The following TYW1 variants were observed in gnomAD, a reference collection of about 807,000 sequenced individuals.
The protein encoded by TYW1 is S-adenosyl-L-methionine-dependent tRNA 4-demethylwyosine synthase TYW1.
In TYW1, 46 loss-of-function variants were observed where a neutral mutation model predicts 96.2. That is an observed-to-expected ratio of 0.48 (90% CI 0.38 to 0.61). The LOEUF is 0.61. Ranked by LOEUF, TYW1 falls within the 20% of genes least tolerant of loss-of-function variation. The probability of loss-of-function intolerance (pLI) is 0.00; values close to 1 mark genes in which losing one functional copy is unlikely to be tolerated. For missense variants in TYW1, 684 were observed against 909.6 expected, an observed-to-expected ratio of 0.75 and a Z score of 3.19; for synonymous variants, 274 against 323.0, an observed-to-expected ratio of 0.85 and a Z score of 1.63.
At chr7:67,103,260 T>C (rs10236844) in intron 12 of TYW1, among the ~76,000 whole-genome samples, 44,705 of 152,038 alleles carry the variant, frequency 0.29, 7,310 homozygotes, top group African/African-American at 0.44. Flanking sequence ...AATCTTTCAG[T>C]TTACCTTTTT....
chr7:67,098,955 A>AT (rs35912481), intron 12 of TYW1, among the ~76,000 whole-genome samples: 188 of 150,524 alleles, frequency 1.2e-3, no homozygotes, highest in African/African-American at 4.1e-3. Flanking sequence ...AAGAGAATGA[A>AT]TTTTTTTTTT....
intron 8 of TYW1, among the ~76,000 whole-genome samples, chr7:67,054,168 A>G (rs1040160928): frequency 1.1e-4 from 17 of 152,232 alleles, no homozygotes; most frequent in Admixed American, 5.2e-4. Context: ...TTGTTATTCC[A>G]TCTTGGCTAG....
At chr7:67,139,725 A>G (rs1798381118) in intron 13 of TYW1, among the ~76,000 whole-genome samples, 1 of 126,862 alleles carries the variant, frequency 7.9e-6, no homozygotes, top group Non-Finnish European at 1.6e-5. Context: ...ACCTGTGTAT[A>G]CAGGTGTGTG....
At chr7:67,126,085 T>C (rs1156928100) in intron 13 of TYW1, among the ~76,000 whole-genome samples, 2 of 151,478 alleles carry the variant, frequency 1.3e-5, no homozygotes, top group South Asian at 2.1e-4. Context: ...TACCAAAGAG[T>C]GTAGTTGCTG....
Position 67,117,553 on chromosome 7 carries a change from G to A in TYW1, c.1633G>A (p.Asp545Asn). The A allele has an allele frequency of 1.2e-6, 2 of 1,614,008 alleles. No individual in the cohort carries two copies. Among genetic ancestry groups the A allele is most frequent in the Non-Finnish European group, 1.7e-6 (2 of 1,179,982 alleles). ...TACCAAAGACAGCCTGAAGAAAATCGACCGCCCACTCTTCAAGGATTTCTG... is the reference window on the plus strand; with the variant it reads ...TACCAAAGACAGCCTGAAGAAAATCAACCGCCCACTCTTCAAGGATTTCTG... ...ASTKDSLKKIDRPLFKDFWQR... is the reference protein window; with the variant it reads ...ASTKDSLKKINRPLFKDFWQR... The change falls in exon 13 of 16, where the codon GAC becomes AAC. Residue 545 changes from aspartate to asparagine, a missense_variant. Asp to Asn is a conservative substitution (Grantham distance 23). Transcript: ENST00000359626.
chr7:67,106,348 A>T (rs1164074139), intron 12 of TYW1, among the ~76,000 whole-genome samples: 1 of 152,348 alleles, frequency 6.6e-6, no homozygotes. Context: ...ACACTGTACC[A>T]TCTGTGCATT....
chr7:67,166,720 C>T (rs1420348903), intron 13 of TYW1, among the ~76,000 whole-genome samples: 1 of 152,132 alleles, frequency 6.6e-6, no homozygotes, highest in Non-Finnish European at 1.5e-5. Context: ...ATTTTCATTG[C>T]TATATGTCAA....
At chr7:67,121,909 G>T (rs188816596) in intron 13 of TYW1, among the ~76,000 whole-genome samples, 1 of 147,834 alleles carries the variant, frequency 6.8e-6, no homozygotes, top group African/African-American at 2.6e-5. Flanking sequence ...TGAGTATGTG[G>T]GCTAAAAACC....
intron 13 of TYW1, among the ~76,000 whole-genome samples, chr7:67,173,247 G>A (rs904848369): frequency 7.9e-5 from 12 of 151,904 alleles, no homozygotes; most frequent in African/African-American, 2.7e-4. Context: ...TATACTTCTT[G>A]TAATGTGATT....
intron 12 of TYW1, among the ~76,000 whole-genome samples, chr7:67,111,822 C>T (rs763439263): frequency 6.6e-6 from 1 of 151,946 alleles, no homozygotes; most frequent in Non-Finnish European, 1.5e-5. Flanking sequence ...AGAAAGATCC[C>T]GGCGTGGTGG....
chr7:67,233,205 T>C lies in TYW1; in HGVS notation c.1978-5103T>C, dbSNP rs1801791014. On this transcript the variant is annotated intron_variant, in intron 15 of 15. Transcript: ENST00000359626. Reference sequence around the variant, plus strand: ...CTGGTAGCTTTATTTTTATGTTATATATCTTTTTTAAATGTTCTTACTGTC... The same window carrying C: ...CTGGTAGCTTTATTTTTATGTTATACATCTTTTTTAAATGTTCTTACTGTC... Among the ~76,000 whole-genome samples, 3 of 126,762 alleles carry C rather than the reference T, an allele frequency of 2.4e-5. 1 individual carries two copies. Among genetic ancestry groups the C allele is most frequent in the African/African-American group, 9.8e-5 (3 of 30,654 alleles). 83.2% of individuals were successfully genotyped at this position (126,762 alleles called of 152,430 possible). A position where few individuals can be genotyped will look rare whatever the true frequency, so the allele number is the denominator to read the frequency against.
At chr7:67,140,128 C>T (rs1798399482) in intron 13 of TYW1, among the ~76,000 whole-genome samples, 1 of 151,918 alleles carries the variant, frequency 6.6e-6, no homozygotes, top group African/African-American at 2.4e-5. Flanking sequence ...AAGCCATCAG[C>T]TCTCGTGAGA....
intron 8 of TYW1, among the ~76,000 whole-genome samples, chr7:67,052,842 C>A (rs180786494): frequency 7.4e-4 from 113 of 152,226 alleles, no homozygotes; most frequent in Non-Finnish European, 1.3e-3. Flanking sequence ...AGCGATTCTC[C>A]TGCCTCAAGT....
chr7:67,083,383 G>C, intron 10 of TYW1, 47 bp from the exon 11 acceptor site: 4 of 1,586,854 alleles, frequency 2.5e-6, no homozygotes, highest in Non-Finnish European at 3.5e-6. Context: ...GACTAGCCCA[G>C]ATCTTATTAC....
In TYW1 at chr7:67,048,152, A is replaced by G. The variant is rs1795246354; in HGVS notation, c.985-1797A>G. ...GTGATATAGTGAATTCTTATTACCT[A>G]TTGCCTGGCCTCATCAACCAGCAAC... On this transcript the variant is annotated intron_variant, in intron 7 of 15. Coordinates refer to ENST00000359626, the MANE Select transcript of TYW1 (RefSeq NM_018264.4). 2.3e-5 allele frequency among the ~76,000 whole-genome samples: 3 copies of G among 129,332 alleles called. No homozygotes were observed. In the South Asian group the frequency reaches 8.5e-4, roughly 37 times the overall value. The allele number at this position is 129,332 out of a possible 152,430, so 84.8% of individuals were successfully genotyped here.
intron 15 of TYW1, among the ~76,000 whole-genome samples, chr7:67,235,295 A>G (rs984185452): frequency 6.6e-5 from 10 of 152,198 alleles, no homozygotes; most frequent in Non-Finnish European, 1.3e-4. Flanking sequence ...ATGTTGTATT[A>G]TAATTATTTT....
rs564663320 is a variant in TYW1, at chr7:67,009,464, A to G, written c.274-119A>G. The stretch of plus-strand genomic sequence containing the variant: ...ATAGAATTTGTGTTCATGAAGATAC[A>G]TATCAGTCACTGAAAATATTTTTCA... On this transcript the variant is annotated intron_variant, in intron 3 of 15. Transcript: ENST00000359626. 3.1e-4 allele frequency: 251 copies of G among 804,742 alleles called. 2 individuals carry two copies. The South Asian group carries it at 3.7e-3, about 12-fold the overall frequency. 49.9% of individuals were successfully genotyped at this position (804,742 alleles called of 1,614,324 possible). A position where few individuals can be genotyped will look rare whatever the true frequency, so the allele number is the denominator to read the frequency against.
intron 15 of TYW1, among the ~76,000 whole-genome samples, chr7:67,199,034 T>C (rs916888077): frequency 6.6e-5 from 10 of 152,128 alleles, no homozygotes; most frequent in Middle Eastern, 6.8e-3. Context: ...CATCACTATT[T>C]AAAAATAGAA....
intron 7 of TYW1, among the ~76,000 whole-genome samples, chr7:67,027,138 T>C (rs1245941939): frequency 6.6e-6 from 1 of 151,678 alleles, no homozygotes. Flanking sequence ...AGTTTGAGGC[T>C]GCAGTGAGCT....
Sources: gnomAD v4.1 joint callset for allele counts (sites outside exome capture counted in the v4.1 genomes callset) on GRCh38, gnomAD v4.1.1 for gene constraint, MANE v1.5 for transcripts, NCBI Gene and HGNC (gene_info 2026-07-23, HGNC 2026-07-21) for gene names.